Variants in TTC13 observed in about 807,000 individuals in gnomAD.
The protein encoded by TTC13 is tetratricopeptide repeat domain 13.
A neutral mutation model predicts 120.0 loss-of-function variants in TTC13; 62 were observed. That is an observed-to-expected ratio of 0.52 (90% CI 0.42 to 0.64). TTC13 has a LOEUF of 0.64. Ranked by LOEUF, TTC13 falls within the 30% of genes least tolerant of loss-of-function variation. The pLI is 0.00. For missense variants in TTC13, 824 were observed against 1,050.2 expected, an observed-to-expected ratio of 0.78 and a Z score of 2.98; for synonymous variants, 384 against 393.5, an observed-to-expected ratio of 0.98 and a Z score of 0.28.
At chr1:230,941,305 G>A (rs895168662) in intron 6 of TTC13, among the ~76,000 whole-genome samples, 2 of 152,086 alleles carry the variant, frequency 1.3e-5, no homozygotes, top group Non-Finnish European at 2.9e-5. Flanking sequence ...TTATTTTGTT[G>A]TTGTTTTAGA....
intron 11 of TTC13, among the ~76,000 whole-genome samples, chr1:230,930,956 C>T (rs1233496206): frequency 6.6e-6 from 1 of 152,138 alleles, no homozygotes; most frequent in Non-Finnish European, 1.5e-5. Context: ...CACAGAATGT[C>T]AGTTTCCTGC....
chr1:230,912,794 T>C (rs1163203497), intron 18 of TTC13, 36 bp from the exon 19 acceptor site: 2 of 1,584,194 alleles, frequency 1.3e-6, no homozygotes, highest in Non-Finnish European at 1.7e-6. Flanking sequence ...AGGCATGTAT[T>C]ATAAGTTCAA....
chr1:230,970,476 T>C (rs1310036483), intron 1 of TTC13, among the ~76,000 whole-genome samples: 2 of 152,048 alleles, frequency 1.3e-5, no homozygotes, highest in African/African-American at 4.8e-5. Context: ...CAAGAGGAAA[T>C]GAGAGCCAGT....
At position 230,931,484 on chromosome 1, in the gene TTC13, AT is replaced by A; in HGVS notation, c.1126-13del. ...AGCTGCAGACACCGCTGAGGACAAAATGCTGCATTAGTATCAACACAGTTTA... is the reference window on the plus strand; with the variant it reads ...AGCTGCAGACACCGCTGAGGACAAAAGCTGCATTAGTATCAACACAGTTTA... On this transcript the variant is annotated splice_polypyrimidine_tract_variant and intron_variant, in intron 10 of 22. Transcript: ENST00000366661. 6.2e-7 allele frequency: 1 copy of A among 1,613,496 alleles called. No homozygotes were observed.
chr1:230,946,063 G>A (rs1674968755), intron 4 of TTC13, among the ~76,000 whole-genome samples: 1 of 152,310 alleles, frequency 6.6e-6, no homozygotes, highest in East Asian at 1.9e-4. Context: ...ATGGGGTGGA[G>A]GAAACATCTA....
At chr1:230,963,476 A>AAAAGAAAAAATTAGCTGGGTGTGGTAGT (rs1428078446) in intron 1 of TTC13, among the ~76,000 whole-genome samples, 1 of 151,948 alleles carries the variant, frequency 6.6e-6, no homozygotes, top group East Asian at 1.9e-4. Context: ...CCATCTCTAC[A>AAAAGAAAAAATTAGCTGGGTGTGGTAGT]AAAGAAAAAA....
chr1:230,949,793 CAG>C (rs1382821448), intron 4 of TTC13, among the ~76,000 whole-genome samples: 1 of 152,122 alleles, frequency 6.6e-6, no homozygotes, highest in African/African-American at 2.4e-5. Context: ...CTACAGGCGC[CAG>C]CCACCATGCC....
chr1:230,943,044 C>T (rs1342919462), intron 6 of TTC13, among the ~76,000 whole-genome samples: 1 of 152,166 alleles, frequency 6.6e-6, no homozygotes, highest in East Asian at 1.9e-4. Context: ...CATTTAAGTG[C>T]TTACACACAT....
rs1462507393 is a variant in TTC13, at chr1:230,944,449, A to G, written c.580-551T>C. ...TAATTTTAAAAGATGAGAATTAGGAAGAGGCAGCTCTGAACTTTACTACTG... is the reference window on the plus strand; with the variant it reads ...TAATTTTAAAAGATGAGAATTAGGAGGAGGCAGCTCTGAACTTTACTACTG... On this transcript the variant is annotated intron_variant, in intron 5 of 22. Coordinates refer to ENST00000366661, the MANE Select transcript of TTC13 (RefSeq NM_024525.5). This position sits in a 1 kb window ranked among gnomAD's most constrained non-coding sequence, Gnocchi z 4.0. 1.3e-5 allele frequency among the ~76,000 whole-genome samples: 2 copies of G among 152,184 alleles called. No homozygotes were observed. Among genetic ancestry groups the G allele is most frequent in the Non-Finnish European group, 2.9e-5 (2 of 68,036 alleles).
intron 2 of TTC13, among the ~76,000 whole-genome samples, chr1:230,959,385 CTT>C (rs200290858): frequency 2.7e-5 from 4 of 147,284 alleles, no homozygotes; most frequent in Admixed American, 1.4e-4. Context: ...AAATCAAATT[CTT>C]TTTTTTTTTT....
intron 10 of TTC13, 103 bp from the exon 11 acceptor site, chr1:230,931,575 C>G (rs1000747698): frequency 3.4e-6 from 5 of 1,474,458 alleles, no homozygotes; most frequent in Admixed American, 2.0e-5. Context: ...TAAACCAGAC[C>G]TGTAAACTAG....
At position 230,978,854 on chromosome 1, in the gene TTC13, C is replaced by G. The variant is rs1678683094; in HGVS notation, c.-24G>C. The G allele has an allele frequency of 1.4e-6, 2 of 1,445,554 alleles. No homozygotes were observed. The highest frequency in any genetic ancestry group is 1.8e-6 in the Non-Finnish European group (2 of 1,109,744). The allele number at this position is 1,445,554 out of a possible 1,614,324, so 89.5% of individuals were successfully genotyped here. ...ATCTTCCCTCAAGGCGCATGCGCGA[C>G]AGCCCTTGCCCGGCTCTCAGGCCTC... On this transcript the variant is annotated 5_prime_UTR_variant, in exon 1 of 23. Transcript: ENST00000366661. The surrounding 1 kb of genome is among the most constrained non-coding windows in gnomAD (Gnocchi z 5.6).
At chr1:230,907,416 T>C (rs958703812) in intron 22 of TTC13, among the ~76,000 whole-genome samples, 2 of 152,246 alleles carry the variant, frequency 1.3e-5, no homozygotes, top group Non-Finnish European at 2.9e-5. Context: ...CTCGCAAAGT[T>C]ACCATGAGCT....
intron 4 of TTC13, 23 bp downstream of exon 4, chr1:230,954,310 A>C (rs749538687): frequency 1.9e-6 from 3 of 1,583,994 alleles, no homozygotes; most frequent in African/African-American, 1.3e-5. Flanking sequence ...ACTCAAAATT[A>C]CATAAATAAG....
At chr1:230,933,923 A>G in intron 8 of TTC13, 62 bp from the exon 9 acceptor site, 1 of 1,115,028 alleles carries the variant, frequency 9.0e-7, no homozygotes. Context: ...GATTCACTTA[A>G]ATCATAAAAG....
chr1:230,910,189 G>A (rs1239697574), intron 20 of TTC13, among the ~76,000 whole-genome samples: 1 of 152,182 alleles, frequency 6.6e-6, no homozygotes, highest in Non-Finnish European at 1.5e-5. Flanking sequence ...CTCCAGCAGG[G>A]AAGACTTCAG....
chr1:230,950,187 G>A (rs1180578484), intron 4 of TTC13, among the ~76,000 whole-genome samples: 1 of 151,764 alleles, frequency 6.6e-6, no homozygotes, highest in Non-Finnish European at 1.5e-5. Context: ...AAAAACCAAC[G>A]TTTATTCCTA....
intron 1 of TTC13, among the ~76,000 whole-genome samples, chr1:230,967,094 A>G (rs1160517949): frequency 6.6e-6 from 1 of 152,104 alleles, no homozygotes; most frequent in African/African-American, 2.4e-5. Flanking sequence ...TAATGTCTCC[A>G]TTTAGTCAGC....
chr1:230,938,847 G>A (rs1229637141), intron 8 of TTC13, among the ~76,000 whole-genome samples: 1 of 152,266 alleles, frequency 6.6e-6, no homozygotes, highest in African/African-American at 2.4e-5. Context: ...CAGTACTCCA[G>A]GATAAGGACC....
Sources: gnomAD v4.1 joint callset for allele counts (sites outside exome capture counted in the v4.1 genomes callset) on GRCh38, gnomAD v4.1.1 for gene constraint, Gnocchi (gnomAD v3.1) non-coding constraint, MANE v1.5 for transcripts, NCBI Gene and HGNC (gene_info 2026-07-23, HGNC 2026-07-21) for gene names.